Variants in PPFIBP1 observed in about 807,000 individuals in gnomAD.
The protein encoded by PPFIBP1 is PPFIB scaffold protein 1, also known as liprin-beta-1.
PPFIBP1 carries 112 observed loss-of-function variants against 137.8 expected under a neutral mutation model. That is an observed-to-expected ratio of 0.81 (90% CI 0.70 to 0.95). PPFIBP1 has a LOEUF of 0.95. PPFIBP1 is among the 40% of genes least tolerant of loss of function. PPFIBP1 has a pLI of 0.00. For synonymous variants in PPFIBP1, 378 were observed against 417.3 expected (o/e 0.91, Z 1.15); for missense variants, 1,083 against 1,196.6 (o/e 0.91, Z 1.40).
At chr12:27,669,338 G>A (rs949574378) in intron 13 of PPFIBP1, among the ~76,000 whole-genome samples, 15 of 152,196 alleles carry the variant, frequency 9.9e-5, no homozygotes, top group African/African-American at 2.6e-4. Flanking sequence ...TATTTATATC[G>A]AAAGCAAAAA....
At chr12:27,663,200 C>A (rs2059653912) in intron 11 of PPFIBP1, among the ~76,000 whole-genome samples, 1 of 152,166 alleles carries the variant, frequency 6.6e-6, no homozygotes, top group Admixed American at 6.5e-5. Flanking sequence ...CACCACAGGG[C>A]AGCCACAAAG....
At chr12:27,591,612 G>A (rs1030044584) in intron 2 of PPFIBP1, among the ~76,000 whole-genome samples, 3 of 152,186 alleles carry the variant, frequency 2.0e-5, no homozygotes, top group Admixed American at 6.5e-5. Context: ...TCAGGAGAAT[G>A]TCTACTTGCA....
At chr12:27,660,775 A>G (rs1438398933) in intron 10 of PPFIBP1, 109 bp from the exon 11 acceptor site, 17 of 1,445,032 alleles carry the variant, frequency 1.2e-5, no homozygotes, top group South Asian at 1.5e-5. Context: ...TAAATGAAAG[A>G]AATCATTAAC....
intron 3 of PPFIBP1, among the ~76,000 whole-genome samples, 183 bp from the exon 4 acceptor site, chr12:27,634,727 C>CT (rs2057531232): frequency 2.6e-5 from 4 of 152,206 alleles, no homozygotes; most frequent in Admixed American, 1.3e-4. Flanking sequence ...TTACCACTAA[C>CT]TACATGGTTT....
intron 15 of PPFIBP1, 83 bp downstream of exon 15, chr12:27,672,566 A>G (rs2060266476): frequency 9.7e-7 from 1 of 1,031,010 alleles, no homozygotes; most frequent in Non-Finnish European, 1.5e-6. Flanking sequence ...TACTAATATT[A>G]ACAGCAAATG....
intron 2 of PPFIBP1, chr12:27,592,693 A>G: frequency 7.4e-7 from 1 of 1,350,604 alleles, no homozygotes; most frequent in Admixed American, 1.7e-5. Flanking sequence ...CTGCTCTGAC[A>G]GGATTGAGAT....
intron 2 of PPFIBP1, among the ~76,000 whole-genome samples, chr12:27,598,428 T>TCAATTAC: frequency 6.6e-6 from 1 of 152,264 alleles, no homozygotes; most frequent in Non-Finnish European, 1.5e-5. Flanking sequence ...CCCCCATGAT[T>TCAATTAC]CAATTACCTC....
At chr12:27,599,006 T>TTGG (rs1335095092) in intron 2 of PPFIBP1, among the ~76,000 whole-genome samples, 4 of 152,236 alleles carry the variant, frequency 2.6e-5, no homozygotes, top group Admixed American at 2.0e-4. Flanking sequence ...AAGCCAATAA[T>TTGG]AACTAAGAAT....
chr12:27,537,282 C>A (rs1294517368), intron 1 of PPFIBP1, among the ~76,000 whole-genome samples: 1 of 152,132 alleles, frequency 6.6e-6, no homozygotes, highest in African/African-American at 2.4e-5. Context: ...CAGATGCCTG[C>A]CACCACGTCC....
At chr12:27,563,277 TAAAAAA>T (rs869044515) in intron 1 of PPFIBP1, among the ~76,000 whole-genome samples, 9 of 22,174 alleles carry the variant, frequency 4.1e-4, no homozygotes, top group South Asian at 4.0e-3. Context: ...CCATCTCTAC[TAAAAAA>T]AAAAAAAAAA....
intron 2 of PPFIBP1, among the ~76,000 whole-genome samples, chr12:27,595,240 G>A (rs547311704): frequency 8.7e-4 from 132 of 152,302 alleles, no homozygotes; most frequent in African/African-American, 3.2e-3. Context: ...GTGCACACGC[G>A]CGCGCGCACA....
At chr12:27,595,204 G>A (rs1045043627) in intron 2 of PPFIBP1, among the ~76,000 whole-genome samples, 1 of 152,226 alleles carries the variant, frequency 6.6e-6, no homozygotes, top group Admixed American at 6.5e-5. Context: ...TGAAGCCCCG[G>A]AAAGCAAGTA....
chr12:27,639,603 AAATACTAATGGTG>A (rs1402684973), intron 4 of PPFIBP1, among the ~76,000 whole-genome samples: 2 of 152,248 alleles, frequency 1.3e-5, no homozygotes, highest in Admixed American at 6.5e-5. Flanking sequence ...AAAGTGAGTG[AAATACTAATGGTG>A]AATACTAATG....
intron 1 of PPFIBP1, among the ~76,000 whole-genome samples, chr12:27,543,487 C>T (rs1945882180): frequency 6.6e-6 from 1 of 152,150 alleles, no homozygotes. Flanking sequence ...GTTCTGGGAA[C>T]TTTAGATCCG....
At chr12:27,579,662 G>T (rs1186435417) in intron 2 of PPFIBP1, among the ~76,000 whole-genome samples, 1 of 152,094 alleles carries the variant, frequency 6.6e-6, no homozygotes, top group Non-Finnish European at 1.5e-5. Flanking sequence ...CATTTAGATG[G>T]TCTCTTGTTT....
At chr12:27,689,707 AACCCAGGCTTGTGGG>A (rs1381407490) in intron 27 of PPFIBP1, among the ~76,000 whole-genome samples, 1 of 152,024 alleles carries the variant, frequency 6.6e-6, no homozygotes, top group African/African-American at 2.4e-5. Context: ...CCTAGTTCCC[AACCCAGGCTTGTGGG>A]ACCCTCCCTT....
At chr12:27,582,734 C>A (rs2051268250) in intron 2 of PPFIBP1, among the ~76,000 whole-genome samples, 1 of 152,126 alleles carries the variant, frequency 6.6e-6, no homozygotes, top group Non-Finnish European at 1.5e-5. Context: ...TCCACTTAGT[C>A]CCTAGGCAGA....
Position 27,688,333 on chromosome 12 carries a change from T to A in PPFIBP1, c.2406T>A (p.Thr802=). Residue 802 remains threonine (T), a synonymous_variant, in exon 26 of 30, where the codon ACT becomes ACA. Coordinates refer to ENST00000228425, the MANE Select transcript of PPFIBP1 (RefSeq NM_003622.4). ...TIAPSEVQKW[T]NHRVMEWLRS... Reference sequence around the variant, plus strand: ...CCCCATCAGAAGTTCAGAAGTGGACTAACCATCGAGTGATGGAGTGGCTGC... The same window carrying A: ...CCCCATCAGAAGTTCAGAAGTGGACAAACCATCGAGTGATGGAGTGGCTGC... 1 of 1,614,046 alleles carries A rather than the reference T, an allele frequency of 6.2e-7. No homozygotes were observed. Among genetic ancestry groups the A allele is most frequent in the Non-Finnish European group, 8.5e-7 (1 of 1,179,910 alleles).
At chr12:27,603,557 C>T (rs182303331) in intron 2 of PPFIBP1, among the ~76,000 whole-genome samples, 9 of 152,306 alleles carry the variant, frequency 5.9e-5, no homozygotes, top group Admixed American at 5.9e-4. Context: ...ATTGGAGCCT[C>T]CACCAGGGCA....
Sources: allele counts gnomAD v4.1 joint callset (sites outside exome capture counted in the v4.1 genomes callset), GRCh38; gene constraint gnomAD v4.1.1; transcripts MANE v1.5; gene names NCBI Gene and HGNC (gene_info 2026-07-23, HGNC 2026-07-21).